TNR: variants seen among roughly 807,000 people sequenced by gnomAD.
TNR encodes the protein tenascin-R.
TNR carries 45 observed loss-of-function variants against 150.4 expected under a neutral mutation model. That is an observed-to-expected ratio of 0.30 (90% CI 0.24 to 0.38). TNR has a LOEUF of 0.38. Ranked by LOEUF, TNR falls within the 10% of genes least tolerant of loss-of-function variation. The probability of loss-of-function intolerance (pLI) is 1.00; values close to 1 mark genes in which losing one functional copy is unlikely to be tolerated. For missense variants in TNR, 1,544 were observed against 1,759.1 expected (o/e 0.88, Z 2.19); for synonymous variants, 687 against 678.4 (o/e 1.01, Z -0.20).
At chr1:175,628,502 C>T (rs1402587874) in intron 1 of TNR, among the ~76,000 whole-genome samples, 2 of 150,352 alleles carry the variant, frequency 1.3e-5, no homozygotes, top group Non-Finnish European at 1.5e-5. Flanking sequence ...TACCCTAAAA[C>T]GTAAAGTATA....
intron 2 of TNR, among the ~76,000 whole-genome samples, chr1:175,508,786 C>T (rs899619099): frequency 2.6e-5 from 4 of 152,242 alleles, no homozygotes; most frequent in African/African-American, 4.8e-5. Flanking sequence ...ATTCCTGGCC[C>T]TCAGAAACTG....
At chr1:175,409,094 A>C (rs2859038) in intron 2 of TNR, among the ~76,000 whole-genome samples, 8 of 151,774 alleles carry the variant, frequency 5.3e-5, no homozygotes, top group African/African-American at 1.9e-4. Flanking sequence ...CACTTTCAGG[A>C]TCCCTAGGCG....
At chr1:175,414,145 C>T (rs192035802) in intron 2 of TNR, among the ~76,000 whole-genome samples, 42 of 152,152 alleles carry the variant, frequency 2.8e-4, no homozygotes, top group African/African-American at 8.9e-4. Context: ...TAAGGATACT[C>T]CTTACCTGGG....
chr1:175,359,207 G>A (rs538143646), intron 15 of TNR, among the ~76,000 whole-genome samples: 13 of 131,690 alleles, frequency 9.9e-5, no homozygotes, highest in African/African-American at 2.5e-4. Context: ...GTGCAATGGC[G>A]TGATCTTGGC....
At chr1:175,622,895 A>G (rs1444640200) in intron 1 of TNR, among the ~76,000 whole-genome samples, 1 of 152,100 alleles carries the variant, frequency 6.6e-6, no homozygotes, top group East Asian at 1.9e-4. Flanking sequence ...TCATATTTAC[A>G]TGGGGTTGTC....
chr1:175,403,539 C>G lies in TNR; in HGVS notation c.577G>C (p.Gly193Arg). 1.2e-6 allele frequency: 2 copies of G among 1,614,212 alleles called. No individual in the cohort carries two copies. Among genetic ancestry groups the G allele is most frequent in the Non-Finnish European group, 1.7e-6 (2 of 1,180,048 alleles). Reference protein sequence around the residue: ...FESCGCICNEGWFGKNCSEPY... With the variant: ...FESCGCICNERWFGKNCSEPY... ...TCCGAGCAATTCTTGCCAAACCAGC[C>G]TTCGTTGCAGATGCAGCCACAGGAC... is the stretch of plus-strand genomic sequence containing the variant. Residue 193 changes from glycine (G) to arginine (R), a missense_variant, in exon 4 of 23, where the codon GGC becomes CGC. Physicochemically the swap from Gly to Arg is moderately radical, Grantham distance 125. Transcript: ENST00000367674.
At chr1:175,705,133 C>A (rs763779017) in intron 1 of TNR, among the ~76,000 whole-genome samples, 28 of 151,852 alleles carry the variant, frequency 1.8e-4, no homozygotes, top group Non-Finnish European at 3.4e-4. Flanking sequence ...GCAGATATGA[C>A]AACTTCCCAT....
chr1:175,351,088 T>C (rs975690013), intron 18 of TNR, among the ~76,000 whole-genome samples: 7 of 152,228 alleles, frequency 4.6e-5, no homozygotes, highest in Non-Finnish European at 1.0e-4. Context: ...TTCCAGTGTT[T>C]CTCAGACTTC....
chr1:175,435,607 G>A (rs369817191), intron 2 of TNR, among the ~76,000 whole-genome samples: 1 of 152,204 alleles, frequency 6.6e-6, no homozygotes, highest in Non-Finnish European at 1.5e-5. Flanking sequence ...GGAAATGAGC[G>A]GCGTGAGTGT....
chr1:175,544,803 T>C (rs1011557204), intron 1 of TNR, among the ~76,000 whole-genome samples: 1 of 152,216 alleles, frequency 6.6e-6, no homozygotes, highest in Non-Finnish European at 1.5e-5. Flanking sequence ...ATTGGCTGTT[T>C]TTCTTGGGAG....
At chr1:175,505,256 G>T (rs1217512163) in intron 2 of TNR, among the ~76,000 whole-genome samples, 3 of 152,204 alleles carry the variant, frequency 2.0e-5, no homozygotes, top group African/African-American at 7.2e-5. Flanking sequence ...CAGTACGACA[G>T]GAAGCCTGGC....
intron 1 of TNR, among the ~76,000 whole-genome samples, chr1:175,607,029 TC>T (rs1223732690): frequency 6.6e-6 from 1 of 152,218 alleles, no homozygotes; most frequent in African/African-American, 2.4e-5. Context: ...TGGGTCTTTG[TC>T]CTGCGGTCTG....
chr1:175,342,284 G>A lies in TNR; in HGVS notation c.3383-4605C>T, dbSNP rs536629633. On this transcript the variant is annotated intron_variant, in intron 18 of 22. Coordinates refer to ENST00000367674, the MANE Select transcript of TNR (RefSeq NM_003285.3). ...AGGACAGGGTGAGAAGTGGGGGCCC[G>A]GGATAGGGCAAAGGGTGACAACTGC... 1.6e-4 allele frequency among the ~76,000 whole-genome samples: 25 copies of A among 152,292 alleles called. No individual in the cohort carries two copies. In the South Asian group the frequency reaches 1.9e-3, roughly 11 times the overall value.
intron 1 of TNR, among the ~76,000 whole-genome samples, chr1:175,740,590 C>T (rs967986113): frequency 6.6e-6 from 1 of 152,122 alleles, no homozygotes; most frequent in East Asian, 1.9e-4. Flanking sequence ...CTCCCCTACA[C>T]AGTGAAGGGG....
At chr1:175,438,614 G>T (rs988144962) in intron 2 of TNR, among the ~76,000 whole-genome samples, 2 of 152,200 alleles carry the variant, frequency 1.3e-5, no homozygotes, top group South Asian at 2.1e-4. Context: ...TGACATGATT[G>T]TATATCTAGA....
At position 175,491,871 on chromosome 1, in the gene TNR, G is replaced by T. The variant is rs567792439; in HGVS notation, c.-64+36398C>A. Among the ~76,000 whole-genome samples, 35 of 151,614 alleles carry T rather than the reference G, an allele frequency of 2.3e-4. No homozygotes were observed. In the South Asian group the frequency reaches 6.9e-3, roughly 30 times the overall value. ...TCACTGTGTTAGCCAGGATGGTCTC[G>T]ATCTCCTGACCTCGTGATCCGCCCG... On this transcript the variant is annotated intron_variant, in intron 2 of 22. Coordinates refer to ENST00000367674, the MANE Select transcript of TNR (RefSeq NM_003285.3).
chr1:175,450,265 C>T lies in TNR; in HGVS notation c.-63-43488G>A, dbSNP rs117969483. On this transcript the variant is annotated intron_variant, in intron 2 of 22. Coordinates refer to ENST00000367674, the MANE Select transcript of TNR (RefSeq NM_003285.3). The stretch of plus-strand genomic sequence containing the variant: ...CATGGTCTCTGGATTCAGCAGGGCC[C>T]CAAGTGGGGCTTCACAGTCACTCTC... Among the ~76,000 whole-genome samples, 710 of 152,308 alleles carry T rather than the reference C, an allele frequency of 4.7e-3. 1 individual carries two copies. Among genetic ancestry groups the T allele is most frequent in the Non-Finnish European group, 8.0e-3 (543 of 68,030 alleles).
At chr1:175,332,932 A>G (rs1650019568) in intron 20 of TNR, among the ~76,000 whole-genome samples, 1 of 152,158 alleles carries the variant, frequency 6.6e-6, no homozygotes, top group South Asian at 2.1e-4. Context: ...ATAGGAAGAA[A>G]GGTATTTCCA....
intron 1 of TNR, among the ~76,000 whole-genome samples, chr1:175,578,291 C>A (rs1263682407): frequency 2.0e-5 from 3 of 151,654 alleles, no homozygotes; most frequent in African/African-American, 7.3e-5. Flanking sequence ...GGCAATTTAA[C>A]TACATAGATA....
Sources: allele counts gnomAD v4.1 joint callset (sites outside exome capture counted in the v4.1 genomes callset), GRCh38; gene constraint gnomAD v4.1.1; transcripts MANE v1.5; gene names NCBI Gene and HGNC (gene_info 2026-07-23, HGNC 2026-07-21).